The following ATE1 variants were observed in gnomAD, a reference collection of about 807,000 sequenced individuals.
ATE1 encodes the protein arginyltransferase 1.
Under a neutral mutation model 70.5 loss-of-function variants are expected in ATE1, and 36 were observed. That is an observed-to-expected ratio of 0.51 (90% CI 0.39 to 0.67). The LOEUF (loss-of-function observed/expected upper bound fraction) is 0.67, where lower values mean the gene tolerates loss of function less well. Ranked by LOEUF, ATE1 falls within the 30% of genes least tolerant of loss-of-function variation. The pLI is 0.00. For synonymous variants in ATE1, 232 were observed against 219.3 expected (o/e 1.06, Z -0.51); for missense variants, 593 against 629.5 (o/e 0.94, Z 0.62).
chr10:121,756,788 C>T (rs972409556), intron 11 of ATE1, among the ~76,000 whole-genome samples: 2 of 152,200 alleles, frequency 1.3e-5, no homozygotes, highest in South Asian at 4.1e-4. Flanking sequence ...CCCCTGGGCC[C>T]AGCCCATAAA....
At chr10:121,754,739 A>G (rs1039033934) in intron 11 of ATE1, among the ~76,000 whole-genome samples, 9 of 152,248 alleles carry the variant, frequency 5.9e-5, no homozygotes, top group African/African-American at 2.2e-4. Context: ...CTTTCTACAA[A>G]ATATTTACCA....
At position 121,791,921 on chromosome 10, in the gene ATE1, C is replaced by T. The variant is rs1473786789; in HGVS notation, c.1258-1632G>A. Among the ~76,000 whole-genome samples, 3 of 152,246 alleles carry T rather than the reference C, an allele frequency of 2.0e-5. No individual in the cohort carries two copies. The East Asian group carries it at 5.8e-4, about 29-fold the overall frequency. On this transcript the variant is annotated intron_variant, in intron 10 of 11. Coordinates refer to ENST00000224652, the MANE Select transcript of ATE1 (RefSeq NM_001001976.3). ...CTAAGAGCTCGGCAGTGATTCTGTTCGACGGAAAGGCTCTATACCAGGTGC... is the reference window on the plus strand; with the variant it reads ...CTAAGAGCTCGGCAGTGATTCTGTTTGACGGAAAGGCTCTATACCAGGTGC...
At chr10:121,918,237 G>GACTTGAAT (rs1951736798) in intron 3 of ATE1, among the ~76,000 whole-genome samples, 1 of 151,962 alleles carries the variant, frequency 6.6e-6, no homozygotes, top group East Asian at 1.9e-4. Flanking sequence ...GGAGGCTGAG[G>GACTTGAAT]CAGAAGAATC....
chr10:121,926,337 C>T (rs1473408858), intron 1 of ATE1, among the ~76,000 whole-genome samples: 1 of 152,048 alleles, frequency 6.6e-6, no homozygotes, highest in Admixed American at 6.6e-5. Flanking sequence ...AGAAATATCC[C>T]GACACCTGGC....
intron 11 of ATE1, among the ~76,000 whole-genome samples, chr10:121,747,431 A>T (rs1944414782): frequency 6.6e-6 from 1 of 152,168 alleles, no homozygotes; most frequent in Non-Finnish European, 1.5e-5. Context: ...ATAAAGAAGC[A>T]AGGGCATTTT....
At chr10:121,924,417 G>T in intron 1 of ATE1, 88 bp from the exon 2 acceptor site, 1 of 1,305,554 alleles carries the variant, frequency 7.7e-7, no homozygotes, top group Non-Finnish European at 1.1e-6. Context: ...ATAGGAGTGT[G>T]TGTCCGGGCA....
chr10:121,877,643 G>C (rs1027882184), intron 7 of ATE1, among the ~76,000 whole-genome samples: 1 of 146,346 alleles, frequency 6.8e-6, no homozygotes, highest in Non-Finnish European at 1.6e-5. Context: ...TATTCAAATG[G>C]CCAATAAATA....
At chr10:121,850,026 C>G (rs1429942051) in intron 8 of ATE1, among the ~76,000 whole-genome samples, 4 of 152,082 alleles carry the variant, frequency 2.6e-5, no homozygotes, top group Admixed American at 1.3e-4. Context: ...TTTGCCCTTA[C>G]TGAAGAATCA....
At chr10:121,770,035 A>G (rs1033856566) in intron 11 of ATE1, among the ~76,000 whole-genome samples, 18 of 152,230 alleles carry the variant, frequency 1.2e-4, no homozygotes, top group Admixed American at 3.9e-4. Context: ...GTTTATGTAA[A>G]AACCTGTAGA....
intron 8 of ATE1, among the ~76,000 whole-genome samples, chr10:121,869,557 C>G (rs1003015583): frequency 2.0e-5 from 3 of 152,218 alleles, no homozygotes; most frequent in Non-Finnish European, 4.4e-5. Context: ...CTTTGCTCTT[C>G]TCTTGTCAAC....
chr10:121,746,152 T>C (rs117247939), intron 11 of ATE1, among the ~76,000 whole-genome samples: 2 of 152,260 alleles, frequency 1.3e-5, no homozygotes, highest in East Asian at 1.9e-4. Flanking sequence ...CCACATAAAA[T>C]AGAAAATCCA....
At chr10:121,750,734 T>C (rs897838345) in intron 11 of ATE1, among the ~76,000 whole-genome samples, 1 of 152,232 alleles carries the variant, frequency 6.6e-6, no homozygotes, top group Admixed American at 6.5e-5. Context: ...TATTTACTGC[T>C]ACATACAGCA....
At chr10:121,744,581 C>A (rs1343395856) in intron 11 of ATE1, among the ~76,000 whole-genome samples, 1 of 152,192 alleles carries the variant, frequency 6.6e-6, no homozygotes, top group African/African-American at 2.4e-5. Flanking sequence ...TGCACTGAAG[C>A]TTTTGGCTGA....
At chr10:121,763,039 A>G (rs1224857170) in intron 11 of ATE1, among the ~76,000 whole-genome samples, 3 of 152,226 alleles carry the variant, frequency 2.0e-5, no homozygotes, top group African/African-American at 7.2e-5. Context: ...TACAGTGTAC[A>G]ATTTGCCTTT....
At chr10:121,927,006 G>A (rs547111092) in intron 1 of ATE1, 2 of 985,398 alleles carry the variant, frequency 2.0e-6, no homozygotes, top group African/African-American at 3.5e-5. Context: ...CTTTTTCATG[G>A]AAAATGCCTG....
chr10:121,867,373 G>A (rs1370424538), intron 8 of ATE1, among the ~76,000 whole-genome samples: 3 of 152,166 alleles, frequency 2.0e-5, no homozygotes, highest in African/African-American at 7.2e-5. Context: ...TCCCTGTACA[G>A]GAAAGCCAAC....
chr10:121,789,886 G>T (rs1394518303), intron 11 of ATE1, among the ~76,000 whole-genome samples: 1 of 152,086 alleles, frequency 6.6e-6, no homozygotes, highest in Non-Finnish European at 1.5e-5. Flanking sequence ...AAAAGATATG[G>T]ATATTGATAT....
chr10:121,887,048 T>C (rs1950422958), intron 7 of ATE1, among the ~76,000 whole-genome samples: 1 of 152,242 alleles, frequency 6.6e-6, no homozygotes, highest in South Asian at 2.1e-4. Flanking sequence ...CTTGTAATTA[T>C]CCTTTTAATG....
At chr10:121,844,889 C>T (rs1272491199) in intron 8 of ATE1, among the ~76,000 whole-genome samples, 1 of 151,286 alleles carries the variant, frequency 6.6e-6, no homozygotes, top group Admixed American at 6.6e-5. Context: ...TTTTATTTTG[C>T]TTCACAGATA....
Sources: allele counts gnomAD v4.1 joint callset (sites outside exome capture counted in the v4.1 genomes callset), GRCh38; gene constraint gnomAD v4.1.1; transcripts MANE v1.5; gene names NCBI Gene and HGNC (gene_info 2026-07-23, HGNC 2026-07-21).